RNF126: variants seen among roughly 807,000 people sequenced by gnomAD.
RNF126 encodes ring finger protein 126.
A neutral mutation model predicts 41.9 loss-of-function variants in RNF126; 20 were observed. The observed-to-expected ratio is 0.48, with a 90% CI of 0.34 to 0.69. The LOEUF (loss-of-function observed/expected upper bound fraction) is 0.69. RNF126 is among the 30% of genes least tolerant of loss of function. The probability of loss-of-function intolerance (pLI) is 0.01; values close to 1 mark genes in which losing one functional copy is unlikely to be tolerated. For synonymous variants in RNF126, 239 were observed against 202.9 expected, an observed-to-expected ratio of 1.18 and a Z score of -1.51; for missense variants, 433 against 460.6, an observed-to-expected ratio of 0.94 and a Z score of 0.55.
At chr19:652,504 C>T (rs763839445) in intron 2 of RNF126, 104 of 606,366 alleles carry the variant, frequency 1.7e-4, no homozygotes, top group East Asian at 9.6e-4. Flanking sequence ...GGTGCAGACC[C>T]CAACAGCCTC....
chr19:662,954 G>A (rs1042169995), intron 1 of RNF126, 93 bp downstream of exon 1: 23 of 496,842 alleles, frequency 4.6e-5, no homozygotes, highest in South Asian at 2.3e-4. Context: ...GCTCGCGCAA[G>A]AGGCGGGCGC....
At chr19:658,351 G>T (rs2030650709) in intron 1 of RNF126, among the ~76,000 whole-genome samples, 1 of 150,862 alleles carries the variant, frequency 6.6e-6, no homozygotes, top group African/African-American at 2.5e-5. Flanking sequence ...ACAGGCCCCA[G>T]ATGACTGACA....
At chr19:655,881 C>CG (rs978838995) in intron 1 of RNF126, among the ~76,000 whole-genome samples, 1 of 151,748 alleles carries the variant, frequency 6.6e-6, no homozygotes, top group Non-Finnish European at 1.5e-5. Context: ...CAGGCCACGG[C>CG]GGGGGGGAGG....
rs77697994 is a variant in RNF126 at position 656,142 on chromosome 19, T to C, written c.76-3258A>G. On this transcript the variant is annotated intron_variant, in intron 1 of 8. Transcript: ENST00000292363. Reference sequence around the variant, plus strand: ...GGTGGTGGTTGCACAACTTTATGAATATACTACAAACGTTTCACCAGGTGA... The same window carrying C: ...GGTGGTGGTTGCACAACTTTATGAACATACTACAAACGTTTCACCAGGTGA... Among the ~76,000 whole-genome samples the C allele has an allele frequency of 4.7e-3, 719 of 152,132 alleles. 31 individuals are homozygous for C. In the East Asian group the frequency reaches 0.11, roughly 24 times the overall value.
In RNF126 at chr19:651,824, T is replaced by C. The variant is rs756626010; in HGVS notation, c.230A>G (p.Gln77Arg). ...HVDQHLFTLP[Q>R]GYGQFAFGIF... is the part of the protein sequence containing the mutation. ...GCCGAAAGCAAACTGTCCGTAGCCC[T>C]GCGGCAGCGTGAACAGGTGCTGGTC... The change falls in exon 4 of 9, where the codon CAG becomes CGG. Residue 77 changes from glutamine to arginine, a missense_variant. By Grantham distance (43) the Gln-to-Arg change is conservative (BLOSUM62 1). This residue lies in a region of RNF126 where 247 missense variants were observed against 224.7 expected (regional missense o/e 1.10). Coordinates refer to ENST00000292363, the MANE Select transcript of RNF126 (RefSeq NM_194460.3). 1.2e-5 allele frequency: 20 copies of C among 1,611,422 alleles called. No homozygotes were observed. The African/African-American group carries it at 2.1e-4, about 17-fold the overall frequency.
intron 4 of RNF126, chr19:650,498 G>GC: frequency 4.3e-6 from 2 of 465,778 alleles, no homozygotes; most frequent in South Asian, 6.8e-5. Flanking sequence ...GTTCACTGCA[G>GC]CCCCAACCTG....
At chr19:648,837 C>T (rs760623987) in intron 7 of RNF126, 45 bp downstream of exon 7, 15 of 1,155,108 alleles carry the variant, frequency 1.3e-5, no homozygotes, top group Non-Finnish European at 1.7e-5. Flanking sequence ...GGCGTGGCGG[C>T]GGGTGCCTGT....
At chr19:652,017 G>C in intron 3 of RNF126, 162 bp from the exon 4 acceptor site, 1 of 710,092 alleles carries the variant, frequency 1.4e-6, no homozygotes, top group Non-Finnish European at 2.2e-6. Context: ...AGCCTGCCCC[G>C]CTGGTGTGAG....
At chr19:656,474 T>C (rs555986130) in intron 1 of RNF126, among the ~76,000 whole-genome samples, 12 of 151,824 alleles carry the variant, frequency 7.9e-5, no homozygotes, top group African/African-American at 2.9e-4. Context: ...CATAGGGAAA[T>C]ACCGTCTCTA....
chr19:653,200 G>C (rs904796334), intron 1 of RNF126, among the ~76,000 whole-genome samples: 4 of 152,096 alleles, frequency 2.6e-5, no homozygotes, highest in Middle Eastern at 3.2e-3. Flanking sequence ...GGCGTCACCA[G>C]TGCCTGGGCA....
At chr19:656,631 G>T (rs557968744) in intron 1 of RNF126, among the ~76,000 whole-genome samples, 13 of 152,282 alleles carry the variant, frequency 8.5e-5, no homozygotes, top group African/African-American at 3.1e-4. Flanking sequence ...CTGGGCCACA[G>T]AGTGAGACCG....
At chr19:651,482 G>C in intron 4 of RNF126, 129 bp downstream of exon 4, 1 of 940,364 alleles carries the variant, frequency 1.1e-6, no homozygotes, top group Non-Finnish European at 1.4e-6. Context: ...GGAGGGCCTG[G>C]CCGGGCGGCC....
In RNF126 at chr19:651,742, G is replaced by A. The variant is rs200494113; in HGVS notation, c.312C>T (p.Asp104=). 2.0e-5 allele frequency: 33 copies of A among 1,612,408 alleles called. No homozygotes were observed. The highest frequency in any genetic ancestry group is 4.4e-5 in the South Asian group (4 of 91,068). The change falls in exon 4 of 9, where the codon GAC becomes GAT. Residue 104 remains aspartate (D), a synonymous_variant. Coordinates refer to ENST00000292363, the MANE Select transcript of RNF126 (RefSeq NM_194460.3). ...PTFPPGAQAD[D]GRDPESRRER... ...CCCGCCGGCTCTCAGGGTCCCTGCC[G>A]TCGTCAGCCTGCGCCCCAGGAGGGA...
intron 1 of RNF126, among the ~76,000 whole-genome samples, chr19:655,268 C>T (rs945550340): frequency 6.6e-5 from 10 of 151,364 alleles, no homozygotes; most frequent in African/African-American, 2.2e-4. Flanking sequence ...AGATCGAGAC[C>T]GCAGTGAGCT....
chr19:652,418 G>T, intron 2 of RNF126, 122 bp from the exon 3 acceptor site: 1 of 852,000 alleles, frequency 1.2e-6, no homozygotes, highest in Non-Finnish European at 1.8e-6. Context: ...CTTCCCACCC[G>T]CCACCGCCCC....
chr19:649,220 T>TAGGG (rs533929053), intron 6 of RNF126: 1 of 123,614 alleles, frequency 8.1e-6, no homozygotes, highest in Non-Finnish European at 1.7e-5. Flanking sequence ...GACAGCGGAA[T>TAGGG]GGGGGGGGGG....
intron 6 of RNF126, 50 bp from the exon 7 acceptor site, chr19:649,025 G>T: frequency 1.0e-6 from 1 of 975,944 alleles, no homozygotes; most frequent in East Asian, 3.1e-5. Flanking sequence ...GGCCCGGCCC[G>T]GGGCTCTGAA....
intron 7 of RNF126, 35 bp from the exon 8 acceptor site, chr19:648,522 T>TG (rs1432245193): frequency 1.3e-5 from 20 of 1,501,664 alleles, no homozygotes; most frequent in Non-Finnish European, 1.7e-5. Context: ...ACAGCGGGCG[T>TG]GGGGGGCCTG....
At chr19:649,507 A>T in intron 6 of RNF126, 172 bp downstream of exon 6, 1 of 594,320 alleles carries the variant, frequency 1.7e-6, no homozygotes, top group East Asian at 2.9e-5. Context: ...AGACTCAGAA[A>T]TGGCAGGAGG....
Sources: allele counts gnomAD v4.1 joint callset (sites outside exome capture counted in the v4.1 genomes callset), GRCh38; gene constraint gnomAD v4.1.1; regional missense constraint gnomAD v4.1.1; transcripts MANE v1.5; gene names NCBI Gene and HGNC (gene_info 2026-07-23, HGNC 2026-07-21).